Variants in UGT1A10 observed in about 807,000 individuals in gnomAD.
UGT1A10 encodes UDP glucuronosyltransferase family 1 member A10, also known as UDP-glucuronosyltransferase 1A10.
Under a neutral mutation model 45.8 loss-of-function variants are expected in UGT1A10, and 49 were observed. The observed-to-expected ratio is 1.07, with a 90% CI of 0.85 to 1.36. The LOEUF is 1.36. UGT1A10 is among the 40% of genes most tolerant of loss of function. UGT1A10 has a pLI of 0.00. For missense variants in UGT1A10, 745 were observed against 668.6 expected (o/e 1.11, Z -1.26); for synonymous variants, 284 against 249.7 (o/e 1.14, Z -1.29).
In UGT1A10 at chr2:233,719,168, T is replaced by G. The variant is rs1202848834; in HGVS notation, c.856-47866T>G. ...AGAGATATTCTAGAAGTATGGCAAT[T>G]ATGAACAATGTATCTTTGGCCCTTC... On this transcript the variant is annotated intron_variant, in intron 1 of 4. Transcript: ENST00000344644. 2 of 1,614,224 alleles carry G rather than the reference T, an allele frequency of 1.2e-6. No individual in the cohort carries two copies. Among genetic ancestry groups the G allele is most frequent in the Admixed American group, 1.7e-5 (1 of 60,034 alleles).
intron 1 of UGT1A10, among the ~76,000 whole-genome samples, chr2:233,706,003 C>T (rs1335760458): frequency 6.6e-6 from 1 of 152,124 alleles, no homozygotes; most frequent in African/African-American, 2.4e-5. Context: ...GTGTGAGAAT[C>T]ACTTGCACTT....
intron 1 of UGT1A10, chr2:233,747,421 AAC>A: frequency 1.9e-6 from 3 of 1,607,992 alleles, no homozygotes; most frequent in Non-Finnish European, 2.6e-6. Flanking sequence ...ATGCACATCA[AAC>A]AAGAGAAATT....
intron 1 of UGT1A10, among the ~76,000 whole-genome samples, chr2:233,700,227 T>C (rs1296427403): frequency 1.3e-5 from 2 of 152,204 alleles, no homozygotes; most frequent in Non-Finnish European, 2.9e-5. Flanking sequence ...TCTAGGCAAC[T>C]CAGTAGAACA....
At chr2:233,671,819 TGAAAG>T in intron 1 of UGT1A10, 2 of 1,434,512 alleles carry the variant, frequency 1.4e-6, no homozygotes, top group African/African-American at 1.4e-5. Flanking sequence ...TTTTTTTTTA[TGAAAG>T]GATAAAAACA....
intron 1 of UGT1A10, among the ~76,000 whole-genome samples, chr2:233,736,572 C>T (rs1006388510): frequency 1.3e-5 from 2 of 152,202 alleles, no homozygotes; most frequent in Non-Finnish European, 2.9e-5. Flanking sequence ...GAGCTGTGAT[C>T]CTTTGGAGGA....
chr2:233,643,994 G>T (rs748450381), intron 1 of UGT1A10, among the ~76,000 whole-genome samples: 1 of 152,224 alleles, frequency 6.6e-6, no homozygotes, highest in African/African-American at 2.4e-5. Flanking sequence ...TTTTGGAGCC[G>T]CAAGCTGTGC....
chr2:233,745,515 T>C (rs1256648631), intron 1 of UGT1A10, among the ~76,000 whole-genome samples: 1 of 151,514 alleles, frequency 6.6e-6, no homozygotes, highest in African/African-American at 2.4e-5. Flanking sequence ...GGGTATTAGG[T>C]CTAATGGGGA....
chr2:233,742,808 G>A (rs1235624978), intron 1 of UGT1A10: 1 of 153,400 alleles, frequency 6.5e-6, no homozygotes, highest in Non-Finnish European at 1.4e-5. Flanking sequence ...CAGAAGTATT[G>A]ATATTATTTG....
intron 1 of UGT1A10, among the ~76,000 whole-genome samples, chr2:233,751,287 T>G (rs1462877412): frequency 6.6e-6 from 1 of 151,922 alleles, no homozygotes; most frequent in Admixed American, 6.5e-5. Context: ...GTTTCTCCCA[T>G]TTGGAATGGG....
At chr2:233,713,332 T>C in intron 1 of UGT1A10, 1 of 1,614,244 alleles carries the variant, frequency 6.2e-7, no homozygotes, top group Non-Finnish European at 8.5e-7. Flanking sequence ...TCTAGAAGAA[T>C]GGCAATTATG....
chr2:233,747,868 C>A, intron 1 of UGT1A10: 1 of 1,613,534 alleles, frequency 6.2e-7, no homozygotes, highest in South Asian at 1.1e-5. Flanking sequence ...TACCCTCTGG[C>A]CCTGTCCTAC....
chr2:233,697,453 T>G (rs2075391734), intron 1 of UGT1A10, among the ~76,000 whole-genome samples: 1 of 151,932 alleles, frequency 6.6e-6, no homozygotes, highest in Non-Finnish European at 1.5e-5. Context: ...TTTATCTGAG[T>G]GTTTTCTCTT....
At position 233,757,535 on chromosome 2, in the gene UGT1A10, AATAT is replaced by A. The variant is rs67292694; in HGVS notation, c.856-9476_856-9473del. On this transcript the variant is annotated intron_variant, in intron 1 of 4. Coordinates refer to ENST00000344644, the MANE Select transcript of UGT1A10 (RefSeq NM_019075.4). Reference sequence around the variant, plus strand: ...CAAAGCCAAAATCTTGCCTGTAAGGAATATATATATATATATATATATATATGTA... The same window carrying A: ...CAAAGCCAAAATCTTGCCTGTAAGGAATATATATATATATATATATATGTA... Among the ~76,000 whole-genome samples, 85 of 88,296 alleles carry A rather than the reference AATAT, an allele frequency of 9.6e-4. 5 individuals carry two copies. The highest frequency in any genetic ancestry group is 3.6e-3 in the African/African-American group (72 of 19,936). 57.9% of individuals were successfully genotyped at this position (88,296 alleles called of 152,430 possible).
chr2:233,641,888 T>G (rs1316640717), intron 1 of UGT1A10, among the ~76,000 whole-genome samples: 1 of 152,206 alleles, frequency 6.6e-6, no homozygotes, highest in Non-Finnish European at 1.5e-5. Context: ...GTATTGGAAC[T>G]CCATTGTTTG....
At chr2:233,678,289 G>A (rs2074413554) in intron 1 of UGT1A10, among the ~76,000 whole-genome samples, 1 of 152,172 alleles carries the variant, frequency 6.6e-6, no homozygotes, top group Admixed American at 6.5e-5. Context: ...ACCTGCACAT[G>A]TACTCCTGAA....
intron 1 of UGT1A10, chr2:233,743,543 C>G: frequency 7.3e-7 from 1 of 1,367,070 alleles, no homozygotes; most frequent in Non-Finnish European, 9.8e-7. Context: ...TTCCTCTGAC[C>G]CCCCCAAAAT....
chr2:233,636,695 T>A lies in UGT1A10; in HGVS notation c.173T>A (p.Val58Asp), dbSNP rs137952333. Reference protein sequence around the residue: ...LILRGHEVVVVMPEVSWQLER... With the variant: ...LILRGHEVVVDMPEVSWQLER... ...CTCAGGGGGCATGAGGTGGTTGTAG[T>A]CATGCCAGAGGTGAGTTGGCAACTG... Residue 58 changes from valine (V) to aspartate (D), a missense_variant, in exon 1 of 5, where the codon GTC (valine) becomes GAC (aspartate). Val to Asp is a radical substitution (Grantham distance 152). Transcript: ENST00000344644. 5.2e-4 allele frequency: 837 copies of A among 1,613,996 alleles called. 1 individual carries two copies. Among genetic ancestry groups the A allele is most frequent in the Non-Finnish European group, 6.5e-4 (772 of 1,180,028 alleles).
chr2:233,659,943 T>G lies in UGT1A10; in HGVS notation c.855+22566T>G, dbSNP rs990306346. On this transcript the variant is annotated intron_variant, in intron 1 of 4. Coordinates refer to ENST00000344644, the MANE Select transcript of UGT1A10 (RefSeq NM_019075.4). ...ATTCAAAAGCACTCATCTCATCAAG[T>G]CATCTTCTGTTAATTCCTCAGGTGT... Among the ~76,000 whole-genome samples the G allele has an allele frequency of 2.0e-5, 3 of 152,368 alleles. No homozygotes were observed. In the South Asian group the frequency reaches 6.2e-4, roughly 32 times the overall value.
intron 1 of UGT1A10, among the ~76,000 whole-genome samples, chr2:233,652,610 A>G (rs954604182): frequency 3.3e-5 from 5 of 152,206 alleles, no homozygotes; most frequent in African/African-American, 1.2e-4. Flanking sequence ...AATTGTCTCA[A>G]AAATGTCTTG....
Sources: gnomAD v4.1 joint callset for allele counts (sites outside exome capture counted in the v4.1 genomes callset) on GRCh38, gnomAD v4.1.1 for gene constraint, MANE v1.5 for transcripts, NCBI Gene and HGNC (gene_info 2026-07-23, HGNC 2026-07-21) for gene names.